Variants in TAF6L observed in about 807,000 individuals in gnomAD.
TAF6L encodes the protein TAF6-like RNA polymerase II p300/CBP-associated factor-associated factor 65 kDa subunit 6L.
In TAF6L, 34 loss-of-function variants were observed where a neutral mutation model predicts 57.3. The observed-to-expected ratio is 0.59, with a 90% confidence interval of 0.45 to 0.79. The LOEUF is 0.79. Among genes scored for constraint, TAF6L ranks in the 30% least tolerant of loss-of-function variants. The pLI, the probability that TAF6L is intolerant of heterozygous loss-of-function variation, is 0.00. For synonymous variants in TAF6L, 417 were observed against 376.3 expected, an observed-to-expected ratio of 1.11 and a Z score of -1.25; for missense variants, 782 against 853.2, an observed-to-expected ratio of 0.92 and a Z score of 1.04.
At position 62,782,759 on chromosome 11, in the gene TAF6L, A is replaced by G. The variant is rs1565189321; in HGVS notation, c.894A>G (p.Ala298=). 1.2e-6 allele frequency: 2 copies of G among 1,613,164 alleles called. No homozygotes were observed. The highest frequency in any genetic ancestry group is 1.7e-6 in the Non-Finnish European group (2 of 1,180,024). ...TGCTATCCCTGCAGAAGATCCTGGC[A>G]GATCCTGTGCGGCCGCTCTGCTGCC... ...HILLSLQKIL[A]DPVRPLCCHY... Residue 298 remains alanine, a synonymous_variant, in exon 9 of 11, where the codon GCA becomes GCG. Transcript: ENST00000294168.
chr11:62,787,241 G>C lies in TAF6L; in HGVS notation c.1814G>C (p.Ser605Thr), dbSNP rs2084291770. 6.4e-7 allele frequency: 1 copy of C among 1,564,742 alleles called. No individual in the cohort carries two copies. Among genetic ancestry groups the C allele is most frequent in the Admixed American group, 1.8e-5 (1 of 55,878 alleles). Residue 605 changes from serine to threonine, a missense_variant, in exon 11 of 11, where the codon AGC becomes ACC. Ser to Thr is a moderately conservative substitution (Grantham distance 58). This residue lies in a region of TAF6L where 483 missense variants were observed against 445.1 expected (regional missense o/e 1.09). Transcript: ENST00000294168. Reference protein sequence around the residue: ...VQKLPMIGRTSRPARRWALSD... With the variant: ...VQKLPMIGRTTRPARRWALSD... ...AAACTGCCCATGATCGGCCGTACCAGCCGCCCCGCCCGCCGGTGGGCGCTC... is the reference window on the plus strand; with the variant it reads ...AAACTGCCCATGATCGGCCGTACCACCCGCCCCGCCCGCCGGTGGGCGCTC...
intron 1 of TAF6L, chr11:62,774,769 C>T (rs1241717782): frequency 6.9e-5 from 26 of 378,794 alleles, no homozygotes; most frequent in South Asian, 3.5e-4. Context: ...GCCAACATGG[C>T]GAAATCTTGT....
rs759310948 is a variant in TAF6L at position 62,787,077 on chromosome 11, C to G, written c.1650C>G (p.Ser550Arg). 9 of 1,532,408 alleles carry G rather than the reference C, an allele frequency of 5.9e-6. No individual in the cohort carries two copies. In the African/African-American group the frequency reaches 1.1e-4, roughly 19 times the overall value. 94.9% of individuals were successfully genotyped at this position (1,532,408 alleles called of 1,614,324 possible). ...GCACCCGCGACGTTTTCCAGAAGAGCCGTTTCGCCCCGCGCGGCGCCCCGC... is the reference window on the plus strand; with the variant it reads ...GCACCCGCGACGTTTTCCAGAAGAGGCGTTTCGCCCCGCGCGGCGCCCCGC... ...GTGTRDVFQK[S>R]RFAPRGAPHF... Residue 550 changes from serine to arginine, a missense_variant, in exon 11 of 11, where the codon AGC (serine) becomes AGG (arginine). Physicochemically the swap from Ser to Arg is moderately radical, Grantham distance 110 (BLOSUM62 -1). This residue lies in a region of TAF6L where 483 missense variants were observed against 445.1 expected (regional missense o/e 1.09). Coordinates refer to ENST00000294168, the MANE Select transcript of TAF6L (RefSeq NM_006473.4).
chr11:62,778,584 G>C, intron 5 of TAF6L: 1 of 618,332 alleles, frequency 1.6e-6, no homozygotes, highest in South Asian at 1.9e-5. Flanking sequence ...TGCTGGGGCG[G>C]TGTTTCACCC....
Position 62,775,840 on chromosome 11 carries a change from C to A in TAF6L, c.57C>A (p.Leu19=). 6.2e-7 allele frequency: 1 copy of A among 1,613,270 alleles called. No homozygotes were observed. Among genetic ancestry groups the A allele is most frequent in the African/African-American group, 1.3e-5 (1 of 74,902 alleles). The change falls in exon 2 of 11, where the codon CTC becomes CTA. Residue 19 remains leucine, a synonymous_variant. Transcript: ENST00000294168. ...FVEIPRESVR[L]MAESTGLELS... ...AGATCCCTCGGGAGTCTGTCCGGCT[C>A]ATGGCGGAGAGCACGGGCCTGGAGC...
intron 8 of TAF6L, 94 bp downstream of exon 8, chr11:62,782,427 T>TAGGG (rs2084237333): frequency 7.4e-7 from 1 of 1,350,528 alleles, no homozygotes. Flanking sequence ...TTTGAGAGTC[T>TAGGG]ATGAGAAGAT....
At position 62,775,946 on chromosome 11, in the gene TAF6L, C is replaced by T; in HGVS notation, c.147+16C>T. 6.3e-7 allele frequency: 1 copy of T among 1,585,086 alleles called. No individual in the cohort carries two copies. Among genetic ancestry groups the T allele is most frequent in the Non-Finnish European group, 8.6e-7 (1 of 1,164,548 alleles). On this transcript the variant is annotated intron_variant, in intron 2 of 10. Transcript: ENST00000294168. ...GGCCACGCAGGTACACTCCCCTCAC[C>T]CCCTGATACCTCCAACTTTCCTTGT...
rs182049001 is a variant in TAF6L at position 62,782,664 on chromosome 11, C to T, written c.828-29C>T. 2.1e-5 allele frequency: 33 copies of T among 1,607,388 alleles called. No homozygotes were observed. The East Asian group carries it at 6.7e-4, about 33-fold the overall frequency. The stretch of plus-strand genomic sequence containing the variant: ...TGTTGGGTGGCACCATGCCTCATTC[C>T]CCTCCCTAACTGAATGGTGCTCCCA... On this transcript the variant is annotated intron_variant, in intron 8 of 10. Transcript: ENST00000294168.
At chr11:62,779,397 G>A (rs1169141603) in intron 6 of TAF6L, among the ~76,000 whole-genome samples, 3 of 151,752 alleles carry the variant, frequency 2.0e-5, no homozygotes, top group Admixed American at 2.0e-4. Flanking sequence ...GGGTTTCACC[G>A]TGTTAGCCAG....
In TAF6L at chr11:62,781,463, G is replaced by A. The variant is rs1288865348; in HGVS notation, c.532-431G>A. On this transcript the variant is annotated intron_variant, in intron 6 of 10. Coordinates refer to ENST00000294168, the MANE Select transcript of TAF6L (RefSeq NM_006473.4). ...CTGAGGTGGGCAGATCACGAGGTCA[G>A]GAGATCGCGACCATCCTGGCTAACA... Among the ~76,000 whole-genome samples the A allele has an allele frequency of 2.6e-5, 4 of 152,040 alleles. No individual in the cohort carries two copies. In the East Asian group the frequency reaches 5.8e-4, roughly 22 times the overall value.
Position 62,786,784 on chromosome 11 carries a change from G to T in TAF6L, c.1357G>T (p.Ala453Ser), listed in dbSNP as rs1468625113. Residue 453 changes from alanine (A) to serine (S), a missense_variant, in exon 11 of 11, where the codon GCC (alanine) becomes TCC (serine). By Grantham distance (99) the Ala-to-Ser change is moderately conservative (BLOSUM62 1). This residue lies in a region of TAF6L where 483 missense variants were observed against 445.1 expected (regional missense o/e 1.09). Transcript: ENST00000294168. ...ELYAFFGDSL[A>S]TRFGTGQPAP... is the part of the protein sequence containing the mutation. ...CTACGCCTTCTTCGGTGACAGCTTG[G>T]CCACACGCTTTGGCACCGGCCAGCC... 7 of 1,611,750 alleles carry T rather than the reference G, an allele frequency of 4.3e-6. No homozygotes were observed. The highest frequency in any genetic ancestry group is 5.1e-6 in the Non-Finnish European group (6 of 1,179,820).
chr11:62,786,800 C>T lies in TAF6L; in HGVS notation c.1373C>T (p.Thr458Ile). ...GACAGCTTGGCCACACGCTTTGGCA[C>T]CGGCCAGCCTGCACCCACGGCTCCG... ...FGDSLATRFG[T>I]GQPAPTAPRP... is the part of the protein sequence containing the mutation. The change falls in exon 11 of 11, where the codon ACC becomes ATC. Residue 458 changes from threonine (T) to isoleucine (I), a missense_variant. This residue lies in a region of TAF6L where 483 missense variants were observed against 445.1 expected (regional missense o/e 1.09). Coordinates refer to ENST00000294168, the MANE Select transcript of TAF6L (RefSeq NM_006473.4). 6.2e-7 allele frequency: 1 copy of T among 1,609,736 alleles called. No homozygotes were observed.
intron 6 of TAF6L, among the ~76,000 whole-genome samples, chr11:62,779,577 T>C (rs1193291350): frequency 4.0e-5 from 6 of 148,580 alleles, no homozygotes; most frequent in East Asian, 4.1e-4. Context: ...CCACCCGCCT[T>C]GGCCTCCCAA....
At chr11:62,782,672 A>T (rs770317357) in intron 8 of TAF6L, 21 bp from the exon 9 acceptor site, 4 of 1,609,678 alleles carry the variant, frequency 2.5e-6, no homozygotes, top group Non-Finnish European at 3.4e-6. Context: ...TCCCCTCCCT[A>T]ACTGAATGGT....
chr11:62,774,688 C>T (rs768674186), intron 1 of TAF6L: 5 of 454,606 alleles, frequency 1.1e-5, no homozygotes, highest in Non-Finnish European at 2.2e-5. Flanking sequence ...CAGGTTCCAG[C>T]ATTTAGGCAC....
At chr11:62,774,318 C>T (rs371316073) in intron 1 of TAF6L, among the ~76,000 whole-genome samples, 4 of 152,130 alleles carry the variant, frequency 2.6e-5, no homozygotes, top group East Asian at 3.9e-4. Flanking sequence ...CCTTGTGATC[C>T]GCCTGCCTCG....
chr11:62,781,677 A>AAAAGTTGG, intron 6 of TAF6L: 1 of 476,174 alleles, frequency 2.1e-6, no homozygotes, highest in Non-Finnish European at 3.8e-6. Context: ...AAAAAAAAAA[A>AAAAGTTGG]AGTTGGACAT....
At chr11:62,783,348 G>A (rs2084244724) in intron 9 of TAF6L, among the ~76,000 whole-genome samples, 1 of 152,004 alleles carries the variant, frequency 6.6e-6, no homozygotes, top group Non-Finnish European at 1.5e-5. Flanking sequence ...CTGGTGTGGT[G>A]GCGGGCGCCT....
intron 6 of TAF6L, 151 bp downstream of exon 6, chr11:62,779,114 A>C: frequency 1.6e-6 from 1 of 629,330 alleles, no homozygotes; most frequent in East Asian, 2.9e-5. Context: ...TCTGCCTCCC[A>C]GGTTCAAGTG....
Sources: allele counts gnomAD v4.1 joint callset (sites outside exome capture counted in the v4.1 genomes callset), GRCh38; gene constraint gnomAD v4.1.1; regional missense constraint gnomAD v4.1.1; transcripts MANE v1.5; gene names NCBI Gene and HGNC (gene_info 2026-07-23, HGNC 2026-07-21).